USP25: variants seen among roughly 807,000 people sequenced by gnomAD.
USP25 encodes the protein ubiquitin carboxyl-terminal hydrolase 25.
In USP25, 85 loss-of-function variants were observed where a neutral mutation model predicts 158.5. The ratio of observed to expected loss-of-function variants is 0.54; its 90% confidence interval spans 0.45 to 0.64. USP25 has a LOEUF of 0.64. USP25 is among the 30% of genes least tolerant of loss of function. The probability of loss-of-function intolerance (pLI) is 0.00; values close to 1 mark genes in which losing one functional copy is unlikely to be tolerated. For missense variants in USP25, 1,242 were observed against 1,327.3 expected, an observed-to-expected ratio of 0.94 and a Z score of 1.00; for synonymous variants, 464 against 460.4, an observed-to-expected ratio of 1.01 and a Z score of -0.10.
intron 4 of USP25, among the ~76,000 whole-genome samples, chr21:15,786,186 C>T (rs943699290): frequency 3.9e-5 from 6 of 152,114 alleles, no homozygotes; most frequent in African/African-American, 1.4e-4. Context: ...TTTCTGATGG[C>T]TACATTGCTG....
chr21:15,835,099 T>A (rs1251567930), intron 17 of USP25, among the ~76,000 whole-genome samples: 1 of 152,214 alleles, frequency 6.6e-6, no homozygotes, highest in Non-Finnish European at 1.5e-5. Context: ...CCCTTAACAT[T>A]TACTTATTCC....
At chr21:15,805,406 CTT>C (rs2036332743) in intron 7 of USP25, 148 bp downstream of exon 7, 1 of 756,890 alleles carries the variant, frequency 1.3e-6, no homozygotes, top group Non-Finnish European at 1.8e-6. Context: ...ATTTGGGAGA[CTT>C]TTAAGAGAAA....
At position 15,746,944 on chromosome 21, in the gene USP25, A is replaced by G. The variant is rs2032608202; in HGVS notation, c.46-15947A>G. Among the ~76,000 whole-genome samples, 4 of 152,168 alleles carry G rather than the reference A, an allele frequency of 2.6e-5. 1 individual carries two copies. The East Asian group carries it at 7.7e-4, about 29-fold the overall frequency. On this transcript the variant is annotated intron_variant, in intron 1 of 25. Coordinates refer to ENST00000400183, the MANE Select transcript of USP25 (RefSeq NM_001283041.3). ...GGAAAGCAGTCTTTTACTACTAAGT[A>G]TGGTTTTAGTTGTTGCACTTCTTAT...
At chr21:15,765,390 G>T (rs1456925063) in intron 2 of USP25, among the ~76,000 whole-genome samples, 1 of 151,980 alleles carries the variant, frequency 6.6e-6, no homozygotes, top group East Asian at 1.9e-4. Context: ...CTATACTTTT[G>T]ATGAGAACTA....
At position 15,830,009 on chromosome 21, in the gene USP25, A is replaced by G. The variant is rs192467834; in HGVS notation, c.1694-522A>G. On this transcript the variant is annotated intron_variant, in intron 14 of 25. Coordinates refer to ENST00000400183, the MANE Select transcript of USP25 (RefSeq NM_001283041.3). ...TTAGGTTATCTCTTTTTTAAAAATT[A>G]TTGTGGACAATATGACTGTGAACAT... Among the ~76,000 whole-genome samples the G allele has an allele frequency of 4.6e-5, 7 of 152,218 alleles. No homozygotes were observed. In the East Asian group the frequency reaches 1.4e-3, roughly 29 times the overall value.
At chr21:15,833,587 A>G (rs765939629) in intron 17 of USP25, 39 bp downstream of exon 17, 23 of 1,537,580 alleles carry the variant, frequency 1.5e-5, no homozygotes, top group Non-Finnish European at 1.9e-5. Context: ...GATTATCAAT[A>G]TTATTTTTAT....
intron 23 of USP25, among the ~76,000 whole-genome samples, chr21:15,871,439 A>G (rs576260342): frequency 6.6e-6 from 1 of 152,332 alleles, no homozygotes; most frequent in East Asian, 1.9e-4. Context: ...TCAGTGTTAC[A>G]GATAAAGAAA....
intron 1 of USP25, among the ~76,000 whole-genome samples, chr21:15,730,974 C>CTTTTTTTTTTTTTTT (rs1420306163): frequency 1.7e-5 from 1 of 60,344 alleles, no homozygotes; most frequent in African/African-American, 7.7e-5. Context: ...TTCTTCTTTT[C>CTTTTTTTTTTTTTTT]TGTTTTTTTT....
intron 4 of USP25, among the ~76,000 whole-genome samples, chr21:15,780,682 T>C (rs374881348): frequency 5.3e-5 from 8 of 152,294 alleles, no homozygotes; most frequent in African/African-American, 1.4e-4. Context: ...GGAGTTGCCA[T>C]TGGGGAAAGA....
At position 15,788,396 on chromosome 21, in the gene USP25, A is replaced by C. The variant is rs568081356; in HGVS notation, c.393-3106A>C. On this transcript the variant is annotated intron_variant, in intron 4 of 25. Transcript: ENST00000400183. ...TAGAGATTGGCTTTTGCAATCAGTC[A>C]GTCAATCAATAACCAAGAAGTAGCA... is the stretch of plus-strand genomic sequence containing the variant. Among the ~76,000 whole-genome samples the C allele has an allele frequency of 3.3e-5, 5 of 152,242 alleles. No individual in the cohort carries two copies. The South Asian group carries it at 1.0e-3, about 32-fold the overall frequency.
chr21:15,776,425 G>C (rs1002905289), intron 3 of USP25, among the ~76,000 whole-genome samples: 2 of 151,808 alleles, frequency 1.3e-5, no homozygotes, highest in African/African-American at 2.4e-5. Flanking sequence ...TGGAGAACGT[G>C]TGGATAAAAA....
chr21:15,796,784 A>G (rs1044486874), intron 5 of USP25, among the ~76,000 whole-genome samples: 4 of 151,360 alleles, frequency 2.6e-5, no homozygotes, highest in African/African-American at 7.3e-5. Context: ...TTCATACACA[A>G]TGTCTAGTAC....
At chr21:15,733,145 CCCCA>C (rs2031128012) in intron 1 of USP25, among the ~76,000 whole-genome samples, 1 of 47,958 alleles carries the variant, frequency 2.1e-5, no homozygotes, top group African/African-American at 6.3e-5. Context: ...CCCCCCCCCC[CCCCA>C]ATCTATCTAA....
At chr21:15,759,636 G>A (rs150768599) in intron 1 of USP25, among the ~76,000 whole-genome samples, 12 of 152,272 alleles carry the variant, frequency 7.9e-5, no homozygotes, top group African/African-American at 2.9e-4. Context: ...GGAGACCTAG[G>A]TTTTATCATG....
At chr21:15,824,285 C>A in intron 11 of USP25, 119 bp downstream of exon 11, 1 of 1,135,636 alleles carries the variant, frequency 8.8e-7, no homozygotes, top group Non-Finnish European at 1.2e-6. Context: ...GCATAATATA[C>A]CTAATACCAT....
chr21:15,772,446 T>G (rs527302778), intron 3 of USP25, among the ~76,000 whole-genome samples: 1 of 152,340 alleles, frequency 6.6e-6, no homozygotes, highest in South Asian at 2.1e-4. Context: ...TTGAATTGTA[T>G]TCACGCTAAT....
chr21:15,763,040 TG>T (rs2033826703), intron 2 of USP25, 72 bp downstream of exon 2: 1 of 1,393,760 alleles, frequency 7.2e-7, no homozygotes, highest in African/African-American at 1.5e-5. Context: ...ATTTGATAGT[TG>T]ATTTTTTTTT....
intron 1 of USP25, 111 bp downstream of exon 1, chr21:15,730,549 C>T (rs1357917263): frequency 8.5e-7 from 1 of 1,171,754 alleles, no homozygotes. Flanking sequence ...CGGGCTTCCT[C>T]CCCGGTCACC....
chr21:15,824,508 TTC>T (rs1409851477), intron 11 of USP25, among the ~76,000 whole-genome samples: 11 of 150,874 alleles, frequency 7.3e-5, no homozygotes, highest in African/African-American at 2.2e-4. Context: ...CTATCTATCT[TTC>T]TGTCTTTCTT....
Sources: allele counts gnomAD v4.1 joint callset (sites outside exome capture counted in the v4.1 genomes callset), GRCh38; gene constraint gnomAD v4.1.1; transcripts MANE v1.5; gene names NCBI Gene and HGNC (gene_info 2026-07-23, HGNC 2026-07-21).